ITGB1: variants seen among roughly 807,000 people sequenced by gnomAD.
ITGB1 encodes the protein integrin beta-1.
In ITGB1, 24 loss-of-function variants were observed where a neutral mutation model predicts 86.5. The ratio of observed to expected loss-of-function variants is 0.28; its 90% CI spans 0.20 to 0.39. The LOEUF (loss-of-function observed/expected upper bound fraction) is 0.39, where lower values mean the gene tolerates loss of function less well. Ranked by LOEUF, ITGB1 falls within the 10% of genes least tolerant of loss-of-function variation. The pLI is 1.00. For synonymous variants in ITGB1, 323 were observed against 316.8 expected (o/e 1.02, Z -0.21); for missense variants, 556 against 946.9 (o/e 0.59, Z 5.42).
At chr10:32,901,784 T>A in intron 15 of ITGB1, 149 bp from the exon 16 acceptor site, 1 of 587,026 alleles carries the variant, frequency 1.7e-6, no homozygotes, top group Non-Finnish European at 3.0e-6. Context: ...TTTAAAGGCA[T>A]TAATAATGGT....
intron 11 of ITGB1, among the ~76,000 whole-genome samples, chr10:32,912,632 C>T (rs1180972444): frequency 6.6e-6 from 1 of 152,160 alleles, no homozygotes. Context: ...TCCCCCATTG[C>T]TGAGGCTTGA....
rs55742323 is a variant in ITGB1, at chr10:32,945,946, A to C, written c.1-10388T>G. ...TAACATACAGAAAAATATTACTTTA[A>C]GATGACTCTTCTTTTGAAAATACAT... is the stretch of plus-strand genomic sequence containing the variant. On this transcript the variant is annotated intron_variant, in intron 1 of 15. Transcript: ENST00000302278. 5.7e-3 allele frequency among the ~76,000 whole-genome samples: 864 copies of C among 152,360 alleles called. 13 individuals carry two copies. The highest frequency in any genetic ancestry group is 0.02 in the African/African-American group (822 of 41,582).
chr10:32,911,337 T>A, intron 13 of ITGB1, 111 bp downstream of exon 13: 1 of 901,274 alleles, frequency 1.1e-6, no homozygotes, highest in Non-Finnish European at 1.7e-6. Flanking sequence ...TGGCAGGCAT[T>A]TTATTTACAG....
intron 1 of ITGB1, chr10:32,955,615 A>G (rs930608390): frequency 2.0e-5 from 3 of 152,216 alleles, no homozygotes; most frequent in African/African-American, 7.2e-5. Context: ...AGTGGCAAGC[A>G]CGCTTAGGAA....
chr10:32,949,160 A>C (rs2095037911), intron 1 of ITGB1, among the ~76,000 whole-genome samples: 1 of 152,196 alleles, frequency 6.6e-6, no homozygotes, highest in Admixed American at 6.5e-5. Flanking sequence ...TAATGATAAA[A>C]TAATAGCATC....
At chr10:32,937,533 C>A (rs866317685) in intron 1 of ITGB1, among the ~76,000 whole-genome samples, 9 of 116,070 alleles carry the variant, frequency 7.8e-5, no homozygotes, top group Non-Finnish European at 1.3e-4. Context: ...TCTAGCCTGG[C>A]GAAAGAGCGA....
intron 1 of ITGB1, chr10:32,944,597 A>C: frequency 1.8e-6 from 1 of 551,146 alleles, no homozygotes; most frequent in Non-Finnish European, 3.5e-6. Flanking sequence ...TGATGTCATG[A>C]CTCAGCTGGC....
chr10:32,910,686 T>C (rs1010719896), intron 13 of ITGB1, among the ~76,000 whole-genome samples: 1 of 152,108 alleles, frequency 6.6e-6, no homozygotes, highest in African/African-American at 2.4e-5. Flanking sequence ...TAAAACCCTA[T>C]TAAGAAATAA....
intron 1 of ITGB1, chr10:32,955,616 C>T (rs1047856119): frequency 3.3e-5 from 5 of 152,160 alleles, no homozygotes; most frequent in African/African-American, 9.7e-5. Flanking sequence ...GTGGCAAGCA[C>T]GCTTAGGAAA....
intron 1 of ITGB1, chr10:32,944,561 A>G: frequency 2.1e-6 from 1 of 481,548 alleles, no homozygotes; most frequent in South Asian, 1.7e-5. Flanking sequence ...TAACGCTTTC[A>G]TTGACCAAAG....
At chr10:32,909,139 A>C (rs2094905646) in intron 14 of ITGB1, among the ~76,000 whole-genome samples, 1 of 152,216 alleles carries the variant, frequency 6.6e-6, no homozygotes, top group African/African-American at 2.4e-5. Context: ...AGCTATAAAG[A>C]AAGCTACAAG....
intron 1 of ITGB1, among the ~76,000 whole-genome samples, chr10:32,944,095 G>A (rs1490789834): frequency 6.6e-6 from 1 of 152,212 alleles, no homozygotes; most frequent in Non-Finnish European, 1.5e-5. Flanking sequence ...CAAAAGAGAG[G>A]CACCTGAGGC....
intron 1 of ITGB1, among the ~76,000 whole-genome samples, chr10:32,943,456 T>C (rs1198650340): frequency 7.4e-6 from 1 of 135,132 alleles, no homozygotes; most frequent in African/African-American, 2.9e-5. Flanking sequence ...TATTCCCTGG[T>C]GTGCAGGGCA....
chr10:32,935,499 A>T lies in ITGB1; in HGVS notation c.60T>A (p.Ala20=), dbSNP rs993600588. Reference sequence around the variant, plus strand: ...AAAATTTTTTGTTTTTACCTGTTTGAGCAAACACACAGCAAACTGAACTGA... The same window carrying T: ...AAAATTTTTTGTTTTTACCTGTTTGTGCAAACACACAGCAAACTGAACTGA... The part of the protein sequence containing the change: ...GLISSVCCVF[A]QTDENRCLKA... The change falls in exon 2 of 16, where the codon GCT becomes GCA. Residue 20 remains alanine, a synonymous_variant. Transcript: ENST00000302278. 3.1e-6 allele frequency: 5 copies of T among 1,612,472 alleles called. No individual in the cohort carries two copies. The highest frequency in any genetic ancestry group is 4.2e-6 in the Non-Finnish European group (5 of 1,178,704).
chr10:32,939,061 C>G (rs1248580447), intron 1 of ITGB1, among the ~76,000 whole-genome samples: 1 of 152,214 alleles, frequency 6.6e-6, no homozygotes, highest in African/African-American at 2.4e-5. Flanking sequence ...GCTCCCAGGA[C>G]AGCACTTCTC....
At chr10:32,912,732 G>A (rs902128912) in intron 11 of ITGB1, among the ~76,000 whole-genome samples, 3 of 152,206 alleles carry the variant, frequency 2.0e-5, no homozygotes, top group Non-Finnish European at 2.9e-5. Context: ...AACACCTCTG[G>A]GGGCAGGGCA....
intron 11 of ITGB1, among the ~76,000 whole-genome samples, chr10:32,914,490 A>C (rs1045891774): frequency 6.6e-6 from 1 of 152,200 alleles, no homozygotes; most frequent in Non-Finnish European, 1.5e-5. Flanking sequence ...CAAATGGAAA[A>C]CAAAAAAAGG....
intron 15 of ITGB1, among the ~76,000 whole-genome samples, chr10:32,903,693 T>C (rs2094888663): frequency 1.3e-5 from 2 of 152,120 alleles, no homozygotes; most frequent in African/African-American, 4.8e-5. Context: ...AAACAGCATA[T>C]AATGTGGATG....
intron 7 of ITGB1, among the ~76,000 whole-genome samples, 167 bp downstream of exon 7, chr10:32,923,418 C>G (rs1484821570): frequency 6.6e-6 from 1 of 152,184 alleles, no homozygotes; most frequent in Non-Finnish European, 1.5e-5. Context: ...TGCATCTTCA[C>G]AAACAGCAAC....
Sources: allele counts gnomAD v4.1 joint callset (sites outside exome capture counted in the v4.1 genomes callset), GRCh38; gene constraint gnomAD v4.1.1; transcripts MANE v1.5; gene names NCBI Gene and HGNC (gene_info 2026-07-23, HGNC 2026-07-21).